CROCC2: variants seen among roughly 807,000 people sequenced by gnomAD.
The protein encoded by CROCC2 is ciliary rootlet coiled-coil protein 2.
Under a neutral mutation model 177.6 loss-of-function variants are expected in CROCC2, and 163 were observed. That is an observed-to-expected ratio of 0.92 (90% CI 0.81 to 1.05). The LOEUF (loss-of-function observed/expected upper bound fraction) is 1.05. Among genes scored for constraint, CROCC2 ranks in the 50% least tolerant of loss-of-function variants. The pLI is 0.00. For missense variants in CROCC2, 1,929 were observed against 1,797.8 expected (o/e 1.07, Z -1.32); for synonymous variants, 904 against 787.3 (o/e 1.15, Z -2.48).
intron 14 of CROCC2, among the ~76,000 whole-genome samples, chr2:240,938,403 G>T (rs2059481187): frequency 1.3e-5 from 2 of 152,250 alleles, no homozygotes; most frequent in South Asian, 4.2e-4. Context: ...GGGATTTGTT[G>T]ATCTGTGCAA....
chr2:240,906,457 G>A lies in CROCC2; in HGVS notation c.-57G>A. On this transcript the variant is annotated 5_prime_UTR_variant, in exon 1 of 32. Coordinates refer to ENST00000690015, the MANE Select transcript of CROCC2 (RefSeq NM_001351305.2). The stretch of plus-strand genomic sequence containing the variant: ...CAAGGAAGACCCTGGCCAGTTGGAG[G>A]AGAACTGCCAGGTAGCAAAGCCCAG... 2.5e-6 allele frequency: 1 copy of A among 399,010 alleles called. No individual in the cohort carries two copies. Among genetic ancestry groups the A allele is most frequent in the East Asian group, 3.6e-5 (1 of 28,064 alleles). 24.7% of individuals were successfully genotyped at this position (399,010 alleles called of 1,614,324 possible).
rs1348365922 is a variant in CROCC2, at chr2:240,993,241, C to T, written c.*160C>T. The T allele has an allele frequency of 2.5e-5, 14 of 564,280 alleles. No individual in the cohort carries two copies. The Admixed American group carries it at 4.4e-4, about 18-fold the overall frequency. 35.0% of individuals were successfully genotyped at this position (564,280 alleles called of 1,614,324 possible). On this transcript the variant is annotated 3_prime_UTR_variant, in exon 32 of 32. Coordinates refer to ENST00000690015, the MANE Select transcript of CROCC2 (RefSeq NM_001351305.2). Reference sequence around the variant, plus strand: ...CAGGACCCTCCTTGCCCTGGCTGCTCATGGGGAACATTTGAAATGCATGTG... The same window carrying T: ...CAGGACCCTCCTTGCCCTGGCTGCTTATGGGGAACATTTGAAATGCATGTG...
At position 240,968,275 on chromosome 2, in the gene CROCC2, G is replaced by A; in HGVS notation, c.4401+13G>A. Reference sequence around the variant, plus strand: ...GCGGCGGCTGCAGGTGGGGCAGGCGGCAGGGTGGGTCCCAGGTGGGGCACA... The same window carrying A: ...GCGGCGGCTGCAGGTGGGGCAGGCGACAGGGTGGGTCCCAGGTGGGGCACA... On this transcript the variant is annotated intron_variant, in intron 27 of 31. Coordinates refer to ENST00000690015, the MANE Select transcript of CROCC2 (RefSeq NM_001351305.2). 6.6e-7 allele frequency: 1 copy of A among 1,522,310 alleles called. No individual in the cohort carries two copies. Among genetic ancestry groups the A allele is most frequent in the Non-Finnish European group, 8.8e-7 (1 of 1,140,420 alleles). 94.3% of individuals were successfully genotyped at this position (1,522,310 alleles called of 1,614,324 possible).
chr2:240,939,175 C>T (rs1162550600), intron 14 of CROCC2, among the ~76,000 whole-genome samples: 1 of 152,044 alleles, frequency 6.6e-6, no homozygotes, highest in Non-Finnish European at 1.5e-5. Flanking sequence ...AGGAAGTTCC[C>T]TTCATTCCTA....
At chr2:240,976,412 C>T (rs559113185) in intron 27 of CROCC2, among the ~76,000 whole-genome samples, 3 of 127,268 alleles carry the variant, frequency 2.4e-5, no homozygotes, top group Non-Finnish European at 5.1e-5. Context: ...CAGGCTCATC[C>T]CTGCTCAGTC....
chr2:240,932,520 G>A, intron 8 of CROCC2, 106 bp downstream of exon 8: 1 of 702,070 alleles, frequency 1.4e-6, no homozygotes, highest in Non-Finnish European at 2.7e-6. Flanking sequence ...GGCCTGCAGG[G>A]CAAGGTGGGG....
At chr2:240,946,902 T>C (rs1574768261) in intron 15 of CROCC2, among the ~76,000 whole-genome samples, 1 of 152,164 alleles carries the variant, frequency 6.6e-6, no homozygotes, top group Non-Finnish European at 1.5e-5. Flanking sequence ...CAGGGACACA[T>C]GAGGTGGAGA....
rs1180755731 is a variant in CROCC2 at position 240,918,905 on chromosome 2, CG to C, written c.229+33del. 1.7e-5 allele frequency: 11 copies of C among 662,760 alleles called. No homozygotes were observed. In the African/African-American group the frequency reaches 2.0e-4, roughly 12 times the overall value. 41.1% of individuals were successfully genotyped at this position (662,760 alleles called of 1,614,324 possible). A position where few individuals can be genotyped will look rare whatever the true frequency, so the allele number is the denominator to read the frequency against. On this transcript the variant is annotated intron_variant, in intron 2 of 31. Coordinates refer to ENST00000690015, the MANE Select transcript of CROCC2 (RefSeq NM_001351305.2). This position sits in a 1 kb window ranked among gnomAD's most constrained non-coding sequence, Gnocchi z 6.3. ...ATGGTGTGGGGGACAGTCCTGGGCC[CG>C]GGGCTGGCCAAGGTGACGGCGTGGG...
chr2:240,930,950 G>T lies in CROCC2; in HGVS notation c.769G>T (p.Ala257Ser), dbSNP rs1351912527. 2.8e-6 allele frequency: 2 copies of T among 713,770 alleles called. No individual in the cohort carries two copies. Among genetic ancestry groups the T allele is most frequent in the Non-Finnish European group, 2.6e-6 (1 of 383,858 alleles). 44.2% of individuals were successfully genotyped at this position (713,770 alleles called of 1,614,324 possible). A position where few individuals can be genotyped will look rare whatever the true frequency, so the allele number is the denominator to read the frequency against. ...ATERGLADLQ[A>S]DTARTARRLH... ...TCCCAGGGGCCTCGCTGACCTGCAG[G>T]CAGACACGGCCAGGACAGCCCGCCG... Residue 257 changes from alanine to serine, a missense_variant, in exon 7 of 32, where the codon GCA becomes TCA. Around this residue, in one of 3 missense-constraint regions of CROCC2, gnomAD observed 1,397 missense variants for 1,239.9 expected, o/e 1.13. Transcript: ENST00000690015.
intron 20 of CROCC2, 143 bp from the exon 21 acceptor site, chr2:240,963,413 C>CCATGGGTGCTGCG: frequency 1.2e-6 from 1 of 842,086 alleles, no homozygotes; most frequent in South Asian, 1.9e-5. Flanking sequence ...ATTGGTGGCT[C>CCATGGGTGCTGCG]CATGGGGTGA....
chr2:240,916,863 A>T (rs2059324881), intron 1 of CROCC2, among the ~76,000 whole-genome samples: 1 of 151,900 alleles, frequency 6.6e-6, no homozygotes, highest in African/African-American at 2.4e-5. Context: ...GCCTCTTGCC[A>T]CCCTGCTGGG....
intron 17 of CROCC2, among the ~76,000 whole-genome samples, chr2:240,950,071 C>T (rs1320711024): frequency 1.3e-5 from 2 of 152,208 alleles, no homozygotes; most frequent in East Asian, 1.9e-4. Context: ...TACACCCCTC[C>T]GTGGCAGGTG....
chr2:240,951,932 G>A (rs542636737), intron 18 of CROCC2, among the ~76,000 whole-genome samples: 12 of 152,288 alleles, frequency 7.9e-5, no homozygotes, highest in East Asian at 5.8e-4. Flanking sequence ...AAAAGCTACC[G>A]AGTCTAGGCT....
rs1027882810 is a variant in CROCC2 at position 240,966,353 on chromosome 2, G to A, written c.4090G>A (p.Val1364Met). The A allele has an allele frequency of 4.7e-5, 19 of 403,732 alleles. No homozygotes were observed. The highest frequency in any genetic ancestry group is 1.2e-4 in the South Asian group (1 of 8,002). 25.0% of individuals were successfully genotyped at this position (403,732 alleles called of 1,614,324 possible). A position where few individuals can be genotyped will look rare whatever the true frequency, so the allele number is the denominator to read the frequency against. The change falls in exon 25 of 32, where the codon GTG (valine) becomes ATG (methionine). Residue 1364 changes from valine (V) to methionine (M), a missense_variant. This residue lies in a region of CROCC2 where 388 missense variants were observed against 352.7 expected (regional missense o/e 1.10). Coordinates refer to ENST00000690015, the MANE Select transcript of CROCC2 (RefSeq NM_001351305.2). ...CTCAGAGCTCATGGATGTGGCCACCGTGCAGGACATCCTGCGGGACTTTGT... is the reference window on the plus strand; with the variant it reads ...CTCAGAGCTCATGGATGTGGCCACCATGCAGGACATCCTGCGGGACTTTGT... ...RSSELMDVAT[V>M]QDILRDFVQK...
At position 240,965,723 on chromosome 2, in the gene CROCC2, C is replaced by T. The variant is rs374763405; in HGVS notation, c.3691C>T (p.Arg1231Trp). The change falls in exon 24 of 32, where the codon CGG becomes TGG. Residue 1231 changes from arginine (R) to tryptophan (W), a missense_variant. Coordinates refer to ENST00000690015, the MANE Select transcript of CROCC2 (RefSeq NM_001351305.2). ...GCTCCAGGAGCACCTCCGTGAGAGC[C>T]GGGGGGCTGAGCAGACCCTCCGAGC... ...QRLQEHLRESRGAEQTLRAEL... is the reference protein window; with the variant it reads ...QRLQEHLRESWGAEQTLRAEL... 1.9e-5 allele frequency: 30 copies of T among 1,545,936 alleles called. No homozygotes were observed. The highest frequency in any genetic ancestry group is 2.3e-5 in the Non-Finnish European group (26 of 1,144,916).
At chr2:240,912,555 TA>T (rs2059295153) in intron 1 of CROCC2, among the ~76,000 whole-genome samples, 1 of 152,186 alleles carries the variant, frequency 6.6e-6, no homozygotes, top group Non-Finnish European at 1.5e-5. Flanking sequence ...AGGGGGCAGG[TA>T]CGGAGCCTCC....
intron 28 of CROCC2, 187 bp downstream of exon 28, chr2:240,983,216 G>A (rs2059813545): frequency 4.7e-6 from 4 of 856,292 alleles, no homozygotes; most frequent in African/African-American, 3.4e-5. Context: ...CTGACAGATG[G>A]GGAAACTGAG....
intron 14 of CROCC2, among the ~76,000 whole-genome samples, chr2:240,940,993 G>A (rs535109506): frequency 6.6e-5 from 10 of 152,092 alleles, no homozygotes; most frequent in Admixed American, 2.6e-4. Flanking sequence ...GCAAAGTTTC[G>A]GGATACAAAA....
chr2:240,976,506 C>T (rs1318407683), intron 27 of CROCC2, among the ~76,000 whole-genome samples: 2 of 123,978 alleles, frequency 1.6e-5, no homozygotes, highest in Non-Finnish European at 3.4e-5. Context: ...CTCATCCCTG[C>T]TCAGTCTCTG....
Sources: gnomAD v4.1 joint callset for allele counts (sites outside exome capture counted in the v4.1 genomes callset) on GRCh38, gnomAD v4.1.1 for gene constraint, gnomAD v4.1.1 regional missense constraint, Gnocchi (gnomAD v3.1) non-coding constraint, MANE v1.5 for transcripts, NCBI Gene and HGNC (gene_info 2026-07-23, HGNC 2026-07-21) for gene names.